Variants in EXOC4 observed in about 807,000 individuals in gnomAD.
The protein encoded by EXOC4 is SEC8-like 1.
EXOC4 carries 71 observed loss-of-function variants against 107.2 expected under a neutral mutation model. The observed-to-expected ratio is 0.66, with a 90% CI of 0.55 to 0.81. The LOEUF (loss-of-function observed/expected upper bound fraction) is 0.81, where lower values mean the gene tolerates loss of function less well. Ranked by LOEUF, EXOC4 falls within the 30% of genes least tolerant of loss-of-function variation. The pLI is 0.00. For missense variants in EXOC4, 1,108 were observed against 1,189.6 expected, an observed-to-expected ratio of 0.93 and a Z score of 1.01; for synonymous variants, 456 against 441.2, an observed-to-expected ratio of 1.03 and a Z score of -0.42.
At chr7:133,474,158 A>G (rs901526373) in intron 7 of EXOC4, among the ~76,000 whole-genome samples, 3 of 151,890 alleles carry the variant, frequency 2.0e-5, no homozygotes, top group Non-Finnish European at 4.4e-5. Flanking sequence ...CCTTCTTATT[A>G]TCTTTCTTTG....
At chr7:133,656,424 GA>G (rs1803301681) in intron 10 of EXOC4, among the ~76,000 whole-genome samples, 1 of 151,934 alleles carries the variant, frequency 6.6e-6, no homozygotes, top group African/African-American at 2.4e-5. Flanking sequence ...TATATAACTG[GA>G]ACAGTGAGAA....
intron 7 of EXOC4, among the ~76,000 whole-genome samples, chr7:133,427,929 C>T (rs910276924): frequency 2.6e-5 from 4 of 152,134 alleles, no homozygotes; most frequent in African/African-American, 4.8e-5. Context: ...GAATCAATTT[C>T]CTTATTACAG....
intron 14 of EXOC4, among the ~76,000 whole-genome samples, chr7:133,944,348 T>C (rs571456231): frequency 1.3e-5 from 2 of 152,312 alleles, no homozygotes; most frequent in South Asian, 2.1e-4. Context: ...TTGAGAGTTA[T>C]AGGAATTCTG....
intron 9 of EXOC4, among the ~76,000 whole-genome samples, chr7:133,569,759 C>T (rs1057178705): frequency 2.0e-4 from 31 of 152,158 alleles, no homozygotes; most frequent in African/African-American, 7.5e-4. Flanking sequence ...TTTTGCCTTT[C>T]ATTCATGAAG....
intron 10 of EXOC4, among the ~76,000 whole-genome samples, chr7:133,701,364 A>G (rs769718411): frequency 6.6e-6 from 1 of 152,228 alleles, no homozygotes; most frequent in Non-Finnish European, 1.5e-5. Context: ...AACAAGATCA[A>G]CAGGCTCAAA....
chr7:133,857,489 T>C (rs1798441760), intron 11 of EXOC4, among the ~76,000 whole-genome samples: 1 of 36,436 alleles, frequency 2.7e-5, no homozygotes, highest in Non-Finnish European at 5.2e-5. Flanking sequence ...CTCATGCCCG[T>C]TGGGCTTGTT....
At chr7:133,318,113 C>T (rs1373015178) in intron 5 of EXOC4, among the ~76,000 whole-genome samples, 2 of 152,182 alleles carry the variant, frequency 1.3e-5, no homozygotes, top group Non-Finnish European at 2.9e-5. Flanking sequence ...GAGTGTGTGA[C>T]CTCTGTCCTA....
chr7:133,897,817 A>G (rs975742833), intron 12 of EXOC4, among the ~76,000 whole-genome samples: 3 of 152,140 alleles, frequency 2.0e-5, no homozygotes, highest in Non-Finnish European at 4.4e-5. Context: ...TCACATATCC[A>G]TTACCTCTCA....
intron 17 of EXOC4, among the ~76,000 whole-genome samples, chr7:134,045,819 T>C (rs1022718552): frequency 2.0e-5 from 3 of 152,186 alleles, no homozygotes; most frequent in African/African-American, 7.2e-5. Context: ...ATCTACTTTC[T>C]GTCTCTGTGG....
the EXOC4 span, among the ~76,000 whole-genome samples, chr7:134,087,010 GCTT>G: frequency 1.3e-5 from 2 of 152,264 alleles, no homozygotes; most frequent in African/African-American, 4.8e-5. Flanking sequence ...ATTTTAGCCA[GCTT>G]CTTTACTGCA....
At chr7:133,839,305 A>G (rs1797980027) in intron 11 of EXOC4, among the ~76,000 whole-genome samples, 1 of 152,140 alleles carries the variant, frequency 6.6e-6, no homozygotes, top group Non-Finnish European at 1.5e-5. Flanking sequence ...TTGCCATATC[A>G]TTTGGCTCTG....
intron 10 of EXOC4, chr7:133,768,205 A>G (rs1796176700): frequency 6.6e-6 from 1 of 152,024 alleles, no homozygotes; most frequent in Non-Finnish European, 1.5e-5. Context: ...AATGGGAAAG[A>G]CGGAACTAGG....
intron 9 of EXOC4, among the ~76,000 whole-genome samples, chr7:133,561,476 T>C (rs1017458805): frequency 6.6e-6 from 1 of 152,236 alleles, no homozygotes; most frequent in Non-Finnish European, 1.5e-5. Context: ...GAAAAGGTCC[T>C]GAAAACCCGA....
At chr7:133,501,585 A>G (rs527767707) in intron 9 of EXOC4, among the ~76,000 whole-genome samples, 2 of 152,308 alleles carry the variant, frequency 1.3e-5, no homozygotes, top group Admixed American at 6.5e-5. Flanking sequence ...ATTAAAATAG[A>G]CATTGTGACA....
intron 10 of EXOC4, among the ~76,000 whole-genome samples, chr7:133,718,566 A>T (rs1308673986): frequency 1.3e-5 from 2 of 152,062 alleles, no homozygotes; most frequent in African/African-American, 4.8e-5. Flanking sequence ...TGCACTACCG[A>T]GGTTAAGAAT....
chr7:133,339,339 G>T (rs975025861), intron 5 of EXOC4, among the ~76,000 whole-genome samples: 3 of 151,968 alleles, frequency 2.0e-5, no homozygotes, highest in Non-Finnish European at 4.4e-5. Flanking sequence ...TTTATTTCTG[G>T]GTTCTCTAGT....
intron 9 of EXOC4, among the ~76,000 whole-genome samples, chr7:133,513,176 T>C (rs1799807683): frequency 6.6e-6 from 1 of 152,112 alleles, no homozygotes; most frequent in South Asian, 2.1e-4. Context: ...AAATTTTTAT[T>C]TTTAAATTTT....
At chr7:133,964,700 T>G (rs1046120174) in intron 14 of EXOC4, among the ~76,000 whole-genome samples, 3 of 152,220 alleles carry the variant, frequency 2.0e-5, no homozygotes, top group Non-Finnish European at 2.9e-5. Flanking sequence ...GGTGTATATG[T>G]GCCACGTTTT....
At chr7:133,793,123 T>C (rs1796739537) in intron 10 of EXOC4, among the ~76,000 whole-genome samples, 2 of 152,256 alleles carry the variant, frequency 1.3e-5, no homozygotes, top group South Asian at 4.2e-4. Context: ...ATTAGCAAAT[T>C]AAGACATTTA....
Sources: allele counts gnomAD v4.1 joint callset (sites outside exome capture counted in the v4.1 genomes callset), GRCh38; gene constraint gnomAD v4.1.1; transcripts MANE v1.5; gene names NCBI Gene and HGNC (gene_info 2026-07-23, HGNC 2026-07-21).